Variants in MARCHF3 observed in about 807,000 individuals in gnomAD.
MARCHF3 encodes E3 ubiquitin-protein ligase MARCHF3.
A neutral mutation model predicts 24.2 loss-of-function variants in MARCHF3; 13 were observed. The ratio of observed to expected loss-of-function variants is 0.54; its 90% CI spans 0.35 to 0.85. MARCHF3 has a LOEUF of 0.85. Among genes scored for constraint, MARCHF3 ranks in the 40% least tolerant of loss-of-function variants. The pLI, the probability that MARCHF3 is intolerant of heterozygous loss-of-function variation, is 0.01. For missense variants in MARCHF3, 276 were observed against 325.0 expected (o/e 0.85, Z 1.16); for synonymous variants, 144 against 137.3 (o/e 1.05, Z -0.34).
At chr5:126,876,619 A>G (rs1182092270) in intron 4 of MARCHF3, among the ~76,000 whole-genome samples, 1 of 151,662 alleles carries the variant, frequency 6.6e-6, no homozygotes, top group Admixed American at 6.6e-5. Flanking sequence ...TCGTTGCCTG[A>G]TTCAAAATGA....
At chr5:127,010,809 A>G (rs1752447404) in intron 1 of MARCHF3, among the ~76,000 whole-genome samples, 1 of 152,198 alleles carries the variant, frequency 6.6e-6, no homozygotes, top group Admixed American at 6.5e-5. Context: ...AATGTTGGCT[A>G]CAAAAGACAA....
intron 3 of MARCHF3, among the ~76,000 whole-genome samples, chr5:126,907,331 G>T (rs1184163250): frequency 3.7e-4 from 50 of 136,350 alleles, no homozygotes; most frequent in Non-Finnish European, 6.4e-4. Flanking sequence ...ATGTCTATTA[G>T]GTCTGCTTGG....
chr5:126,895,414 GTT>G (rs1753849396), intron 3 of MARCHF3, among the ~76,000 whole-genome samples: 1 of 152,074 alleles, frequency 6.6e-6, no homozygotes, highest in Admixed American at 6.6e-5. Context: ...CAGTTTTTCT[GTT>G]CTGTTTTTTT....
chr5:127,021,971 C>G (rs915911974), intron 1 of MARCHF3, among the ~76,000 whole-genome samples: 3 of 152,220 alleles, frequency 2.0e-5, no homozygotes, highest in African/African-American at 7.2e-5. Context: ...TCAGGGTAGG[C>G]CTGCCCTTCT....
Position 127,014,419 on chromosome 5 carries a change from CA to C in MARCHF3, c.-57+15930del, listed in dbSNP as rs879410384. ...TAGAGATTCCTCAAAAAACTAAAAA[CA>C]GAACTACTGTACGATCCAGCAATCC... is the stretch of plus-strand genomic sequence containing the variant. On this transcript the variant is annotated intron_variant, in intron 1 of 4. Transcript: ENST00000308660. 4.6e-3 allele frequency among the ~76,000 whole-genome samples: 699 copies of C among 152,212 alleles called. 3 individuals are homozygous for C. Among genetic ancestry groups the C allele is most frequent in the Middle Eastern group, 0.034 (10 of 294 alleles).
intron 3 of MARCHF3, among the ~76,000 whole-genome samples, chr5:126,899,955 A>G (rs1000327086): frequency 6.6e-6 from 1 of 151,974 alleles, no homozygotes; most frequent in African/African-American, 2.4e-5. Flanking sequence ...ATTAGAGTTA[A>G]CTCTTGTGTT....
rs538423428 is a variant in MARCHF3, at chr5:126,910,754, T to G, written c.393+4176A>C. ...GCATGTGTTTTTGAACAATATGATA[T>G]CTGGGCACCTTGAAAAAAGAACAGG... On this transcript the variant is annotated intron_variant, in intron 3 of 4. Coordinates refer to ENST00000308660, the MANE Select transcript of MARCHF3 (RefSeq NM_178450.5). Among the ~76,000 whole-genome samples the G allele has an allele frequency of 2.6e-5, 4 of 152,274 alleles. No homozygotes were observed. In the South Asian group the frequency reaches 8.3e-4, roughly 32 times the overall value.
intron 1 of MARCHF3, among the ~76,000 whole-genome samples, chr5:126,944,834 AATGT>A (rs1749955482): frequency 6.6e-6 from 1 of 152,172 alleles, no homozygotes; most frequent in East Asian, 1.9e-4. Flanking sequence ...TCAAATGCAC[AATGT>A]ATGAGGAGGT....
intron 1 of MARCHF3, among the ~76,000 whole-genome samples, chr5:127,019,944 T>A (rs548127331): frequency 6.6e-6 from 1 of 152,342 alleles, no homozygotes; most frequent in East Asian, 1.9e-4. Context: ...AGCCCAGTGA[T>A]CTCAAGAATC....
At chr5:126,942,521 T>G (rs1351257542) in intron 1 of MARCHF3, among the ~76,000 whole-genome samples, 2 of 152,046 alleles carry the variant, frequency 1.3e-5, no homozygotes, top group Non-Finnish European at 2.9e-5. Context: ...GAGTTGACCA[T>G]CTAAAACAAT....
chr5:127,002,957 G>C (rs1231770712), intron 1 of MARCHF3, among the ~76,000 whole-genome samples: 1 of 152,110 alleles, frequency 6.6e-6, no homozygotes, highest in Non-Finnish European at 1.5e-5. Context: ...CTGCCTGGAG[G>C]GAGCAATCGA....
chr5:126,963,827 A>C (rs1750721343), intron 1 of MARCHF3, among the ~76,000 whole-genome samples: 1 of 152,206 alleles, frequency 6.6e-6, no homozygotes, highest in Admixed American at 6.5e-5. Context: ...TAAACTCTTA[A>C]AGTCTATTCA....
intron 4 of MARCHF3, among the ~76,000 whole-genome samples, chr5:126,872,623 T>A (rs1035557527): frequency 4.6e-5 from 7 of 152,088 alleles, no homozygotes; most frequent in South Asian, 2.1e-4. Flanking sequence ...GATGACTTGG[T>A]CTCGAGTTTC....
chr5:126,882,769 C>T (rs1753385094), intron 3 of MARCHF3, among the ~76,000 whole-genome samples: 1 of 152,110 alleles, frequency 6.6e-6, no homozygotes, highest in African/African-American at 2.4e-5. Context: ...TCTCTTCAGC[C>T]CCTACTATAT....
chr5:126,917,532 C>T (rs537602712), intron 2 of MARCHF3, among the ~76,000 whole-genome samples: 31 of 152,258 alleles, frequency 2.0e-4, no homozygotes, highest in African/African-American at 5.8e-4. Context: ...CCCTGGACAG[C>T]GCTTCCATCA....
intron 1 of MARCHF3, among the ~76,000 whole-genome samples, chr5:126,925,913 C>T (rs570889245): frequency 3.4e-4 from 52 of 152,256 alleles, no homozygotes; most frequent in Non-Finnish European, 6.8e-4. Flanking sequence ...TAAGGAAAGG[C>T]CTGAAGGGTA....
chr5:126,958,979 T>C (rs747088158), intron 1 of MARCHF3, among the ~76,000 whole-genome samples: 12 of 152,038 alleles, frequency 7.9e-5, no homozygotes, highest in Non-Finnish European at 1.6e-4. Context: ...AATGATTGAA[T>C]AAATAAAGGG....
At chr5:126,942,595 T>C (rs994958138) in intron 1 of MARCHF3, among the ~76,000 whole-genome samples, 3 of 152,210 alleles carry the variant, frequency 2.0e-5, no homozygotes, top group Non-Finnish European at 2.9e-5. Context: ...CACAATAAGA[T>C]AACAGTTTAG....
chr5:127,011,659 T>C (rs959816884), intron 1 of MARCHF3, among the ~76,000 whole-genome samples: 3 of 152,156 alleles, frequency 2.0e-5, no homozygotes, highest in Admixed American at 6.5e-5. Flanking sequence ...AGTGTAGTTT[T>C]CCCCCACATC....
Sources: gnomAD v4.1 joint callset for allele counts (sites outside exome capture counted in the v4.1 genomes callset) on GRCh38, gnomAD v4.1.1 for gene constraint, MANE v1.5 for transcripts, NCBI Gene and HGNC (gene_info 2026-07-23, HGNC 2026-07-21) for gene names.